The following CPED1 variants were observed in gnomAD, a reference collection of about 807,000 sequenced individuals.
CPED1 encodes cadherin-like and PC-esterase domain-containing protein 1.
CPED1 carries 114 observed loss-of-function variants against 128.2 expected under a neutral mutation model. The ratio of observed to expected loss-of-function variants is 0.89; its 90% confidence interval spans 0.76 to 1.04. CPED1 has a LOEUF of 1.04. CPED1 is among the 50% of genes least tolerant of loss of function. The pLI, the probability that CPED1 is intolerant of heterozygous loss-of-function variation, is 0.00. For synonymous variants in CPED1, 462 were observed against 426.7 expected (o/e 1.08, Z -1.02); for missense variants, 1,211 against 1,207.1 (o/e 1.00, Z -0.05).
At chr7:121,132,410 A>G (rs140841010) in intron 12 of CPED1, among the ~76,000 whole-genome samples, 27 of 152,088 alleles carry the variant, frequency 1.8e-4, no homozygotes, top group East Asian at 3.9e-4. Context: ...GAAAATGTCA[A>G]CTTTATGGAT....
intron 3 of CPED1, among the ~76,000 whole-genome samples, chr7:121,029,915 A>G (rs1013685990): frequency 6.6e-6 from 1 of 152,120 alleles, no homozygotes; most frequent in African/African-American, 2.4e-5. Context: ...GGCATTTTAT[A>G]GTGCTTTGAA....
At chr7:121,208,847 G>A (rs974593957) in intron 16 of CPED1, among the ~76,000 whole-genome samples, 1 of 151,976 alleles carries the variant, frequency 6.6e-6, no homozygotes, top group African/African-American at 2.4e-5. Flanking sequence ...TTTCAGAAAA[G>A]GAATCCTGTT....
intron 4 of CPED1, among the ~76,000 whole-genome samples, chr7:121,058,722 A>C (rs1234079235): frequency 6.6e-6 from 1 of 152,200 alleles, no homozygotes; most frequent in African/African-American, 2.4e-5. Flanking sequence ...GAGTATTCTT[A>C]AGGAAACACA....
In CPED1 at chr7:121,271,388, C is replaced by CA; in HGVS notation, c.2829dup (p.Glu944ArgfsTer13). ...CATTCACTATAACAATGGGGCGTTA[C>CA]AAAGAGTTTCTACAGGGGAAGTGTG... On this transcript the variant is annotated frameshift_variant, in exon 22 of 23. Transcript: ENST00000310396. LOFTEE classifies it high-confidence loss of function. The CA allele has an allele frequency of 6.2e-7, 1 of 1,612,894 alleles. No individual in the cohort carries two copies. The highest frequency in any genetic ancestry group is 8.5e-7 in the Non-Finnish European group (1 of 1,179,212).
chr7:121,205,794 A>G (rs1434270586), intron 16 of CPED1, among the ~76,000 whole-genome samples: 1 of 152,070 alleles, frequency 6.6e-6, no homozygotes, highest in East Asian at 1.9e-4. Context: ...TAATTAATGT[A>G]ATTTAAATGC....
chr7:121,238,182 A>G (rs1798304095), intron 17 of CPED1, among the ~76,000 whole-genome samples: 2 of 152,164 alleles, frequency 1.3e-5, no homozygotes, highest in African/African-American at 4.8e-5. Context: ...GTGCCTGGAC[A>G]TTGTGGGTGA....
intron 14 of CPED1, among the ~76,000 whole-genome samples, chr7:121,140,176 A>C (rs547979385): frequency 6.6e-5 from 10 of 152,166 alleles, no homozygotes; most frequent in Admixed American, 6.6e-5. Context: ...CCTCAGAATC[A>C]ATGATATGAA....
intron 14 of CPED1, among the ~76,000 whole-genome samples, chr7:121,138,993 T>C (rs1473817059): frequency 6.6e-6 from 1 of 152,100 alleles, no homozygotes; most frequent in Non-Finnish European, 1.5e-5. Context: ...GTAGTATTAA[T>C]AAGTGGTTGA....
intron 18 of CPED1, among the ~76,000 whole-genome samples, chr7:121,259,785 T>C (rs1406725526): frequency 6.6e-6 from 1 of 151,930 alleles, no homozygotes; most frequent in Non-Finnish European, 1.5e-5. Context: ...AGTAATAAAA[T>C]ATCTGAGAGG....
chr7:121,198,987 C>G (rs1797329043), intron 16 of CPED1, among the ~76,000 whole-genome samples: 1 of 152,110 alleles, frequency 6.6e-6, no homozygotes, highest in Admixed American at 6.6e-5. Flanking sequence ...ATGATGATGC[C>G]TTTGGCAAAT....
intron 7 of CPED1, among the ~76,000 whole-genome samples, chr7:121,122,965 A>G (rs1301624615): frequency 2.6e-5 from 4 of 152,188 alleles, no homozygotes; most frequent in Non-Finnish European, 5.9e-5. Context: ...AAATAGAAAA[A>G]TGCAACAATG....
intron 16 of CPED1, among the ~76,000 whole-genome samples, chr7:121,181,152 C>T (rs954350968): frequency 6.6e-6 from 1 of 152,054 alleles, no homozygotes; most frequent in Admixed American, 6.6e-5. Context: ...GATGATCATA[C>T]TGCAGGAGAA....
At chr7:121,178,956 G>T (rs890877575) in intron 16 of CPED1, among the ~76,000 whole-genome samples, 13 of 152,128 alleles carry the variant, frequency 8.5e-5, no homozygotes, top group Non-Finnish European at 1.3e-4. Context: ...GCAGCAAAGA[G>T]GTCCAAGGAG....
At chr7:120,999,375 C>T (rs1033560309) in intron 2 of CPED1, among the ~76,000 whole-genome samples, 1 of 152,086 alleles carries the variant, frequency 6.6e-6, no homozygotes, top group Admixed American at 6.5e-5. Context: ...AGTCCTTAGC[C>T]TATAAACATT....
chr7:121,100,895 T>G (rs1794833867), intron 7 of CPED1, among the ~76,000 whole-genome samples: 1 of 152,140 alleles, frequency 6.6e-6, no homozygotes, highest in Admixed American at 6.6e-5. Context: ...GAAGAAGGCA[T>G]GAGCAAATTT....
At chr7:121,023,712 A>G (rs1451416849) in intron 3 of CPED1, among the ~76,000 whole-genome samples, 2 of 152,128 alleles carry the variant, frequency 1.3e-5, no homozygotes, top group Non-Finnish European at 2.9e-5. Flanking sequence ...AATAGTGCAC[A>G]TTTATAGCAG....
chr7:121,022,810 C>T (rs1232843611), intron 3 of CPED1, among the ~76,000 whole-genome samples: 2 of 152,054 alleles, frequency 1.3e-5, no homozygotes, highest in Non-Finnish European at 2.9e-5. Context: ...TCTGCATCCT[C>T]TATATTATGC....
intron 5 of CPED1, among the ~76,000 whole-genome samples, chr7:121,092,471 A>G (rs1169911797): frequency 2.0e-5 from 3 of 152,178 alleles, no homozygotes; most frequent in Admixed American, 6.5e-5. Context: ...GGCACTAGTC[A>G]TTCAGTGGAG....
At chr7:121,001,942 C>T (rs547689070) in intron 2 of CPED1, among the ~76,000 whole-genome samples, 10 of 152,096 alleles carry the variant, frequency 6.6e-5, no homozygotes, top group African/African-American at 2.4e-4. Flanking sequence ...AGAATGATAT[C>T]ATTAAAATAT....
Sources: gnomAD v4.1 joint callset for allele counts (sites outside exome capture counted in the v4.1 genomes callset) on GRCh38, gnomAD v4.1.1 for gene constraint, MANE v1.5 for transcripts, NCBI Gene and HGNC (gene_info 2026-07-23, HGNC 2026-07-21) for gene names.